CADM2: variants seen among roughly 807,000 people sequenced by gnomAD.
CADM2 encodes cell adhesion molecule 2.
In CADM2, 12 loss-of-function variants were observed where a neutral mutation model predicts 49.8. The observed-to-expected ratio is 0.24, with a 90% CI of 0.15 to 0.39. CADM2 has a LOEUF of 0.39. Among genes scored for constraint, CADM2 ranks in the 10% least tolerant of loss-of-function variants. The pLI, the probability that CADM2 is intolerant of heterozygous loss-of-function variation, is 1.00. For synonymous variants in CADM2, 214 were observed against 175.4 expected (o/e 1.22, Z -1.74); for missense variants, 378 against 492.3 (o/e 0.77, Z 2.20).
At chr3:85,181,531 T>C (rs751078495) in intron 1 of CADM2, among the ~76,000 whole-genome samples, 6 of 152,128 alleles carry the variant, frequency 3.9e-5, no homozygotes, top group Non-Finnish European at 7.4e-5. Flanking sequence ...TTTCTGAGAA[T>C]CTGCCATGTA....
chr3:85,195,395 C>T (rs1489817364), intron 1 of CADM2, among the ~76,000 whole-genome samples: 1 of 152,066 alleles, frequency 6.6e-6, no homozygotes, highest in Non-Finnish European at 1.5e-5. Flanking sequence ...CAGAGGCTCT[C>T]TTGAGTCCCA....
intron 1 of CADM2, among the ~76,000 whole-genome samples, chr3:85,414,712 C>G (rs2035837597): frequency 6.6e-6 from 1 of 152,140 alleles, no homozygotes; most frequent in African/African-American, 2.4e-5. Flanking sequence ...CCAGCTCCCC[C>G]AAGGATTTTT....
At chr3:85,419,642 C>T (rs1017623973) in intron 1 of CADM2, among the ~76,000 whole-genome samples, 8 of 152,264 alleles carry the variant, frequency 5.3e-5, no homozygotes, top group African/African-American at 1.9e-4. Context: ...CTCCCTACTC[C>T]TACAAACTTC....
rs970308026 is a variant in CADM2 at position 85,567,253 on chromosome 3, A to G, written c.62-159269A>G. Among the ~76,000 whole-genome samples, 7 of 152,310 alleles carry G rather than the reference A, an allele frequency of 4.6e-5. No individual in the cohort carries two copies. The East Asian group carries it at 1.3e-3, about 29-fold the overall frequency. On this transcript the variant is annotated intron_variant, in intron 1 of 9. Transcript: ENST00000383699. The stretch of plus-strand genomic sequence containing the variant: ...ATCAGGCTGCTGCATTATCGAGCAG[A>G]TGGTTAATAGCGCCCCCTGTAGGCG...
At chr3:86,014,570 AAGT>A in intron 8 of CADM2, 1 of 1,597,316 alleles carries the variant, frequency 6.3e-7, no homozygotes, top group Non-Finnish European at 8.6e-7. Context: ...AAGAAACACT[AAGT>A]GTCCCAACAG....
chr3:85,361,083 AG>A (rs1188712980), intron 1 of CADM2, among the ~76,000 whole-genome samples: 3 of 152,170 alleles, frequency 2.0e-5, no homozygotes, highest in Non-Finnish European at 4.4e-5. Flanking sequence ...TTTTATCCCA[AG>A]GGACTAGCAT....
At chr3:85,681,310 T>C (rs1321154807) in intron 1 of CADM2, among the ~76,000 whole-genome samples, 1 of 152,134 alleles carries the variant, frequency 6.6e-6, no homozygotes, top group Non-Finnish European at 1.5e-5. Flanking sequence ...GGCATGCTGA[T>C]TACATTCAGC....
intron 1 of CADM2, among the ~76,000 whole-genome samples, chr3:85,257,633 T>C (rs944538281): frequency 1.3e-5 from 2 of 152,060 alleles, no homozygotes; most frequent in Non-Finnish European, 2.9e-5. Context: ...AATTGATACT[T>C]AGAATGTTCC....
At chr3:85,909,555 T>C (rs1717284746) in intron 5 of CADM2, among the ~76,000 whole-genome samples, 1 of 152,160 alleles carries the variant, frequency 6.6e-6, no homozygotes, top group African/African-American at 2.4e-5. Context: ...ATGTTTGCAC[T>C]GTACTCTTGC....
At chr3:84,987,020 C>A (rs990438456) in intron 1 of CADM2, among the ~76,000 whole-genome samples, 1 of 151,296 alleles carries the variant, frequency 6.6e-6, no homozygotes, top group Non-Finnish European at 1.5e-5. Context: ...TCATTGCACT[C>A]CAGCCTGGGC....
intron 1 of CADM2, among the ~76,000 whole-genome samples, chr3:85,091,357 A>C (rs2037590586): frequency 6.6e-6 from 1 of 152,180 alleles, no homozygotes; most frequent in Non-Finnish European, 1.5e-5. Context: ...ACATAGCTGT[A>C]GTTTGGATTA....
chr3:86,069,019 C>T lies in CADM2; in HGVS notation c.*2236C>T, dbSNP rs1370764404. On this transcript the variant is annotated 3_prime_UTR_variant, in exon 10 of 10. Transcript: ENST00000383699. ...CAAAGCAAAATTCATCCTGTTAGTA[C>T]AAAATGGAAAGGTTCTTATTACAGA... 1 of 151,870 alleles carries T rather than the reference C, an allele frequency of 6.6e-6. No individual in the cohort carries two copies. Among genetic ancestry groups the T allele is most frequent in the Non-Finnish European group, 1.5e-5 (1 of 67,844 alleles). 9.4% of individuals were successfully genotyped at this position (151,870 alleles called of 1,614,324 possible).
At chr3:85,449,056 A>G (rs1399582327) in intron 1 of CADM2, among the ~76,000 whole-genome samples, 1 of 147,336 alleles carries the variant, frequency 6.8e-6, no homozygotes, top group African/African-American at 2.5e-5. Context: ...ACTCAAAAAT[A>G]ATAATAATAA....
chr3:85,727,739 C>G (rs1421629590), intron 2 of CADM2, among the ~76,000 whole-genome samples: 2 of 151,982 alleles, frequency 1.3e-5, no homozygotes, highest in African/African-American at 2.4e-5. Context: ...TAAAGGGAAC[C>G]AGGGGGAGAT....
At chr3:85,390,971 C>T (rs1013214623) in intron 1 of CADM2, among the ~76,000 whole-genome samples, 2 of 152,024 alleles carry the variant, frequency 1.3e-5, no homozygotes, top group Non-Finnish European at 2.9e-5. Flanking sequence ...CTCCAGAGAG[C>T]TAAATGCATA....
intron 2 of CADM2, among the ~76,000 whole-genome samples, chr3:85,728,277 T>G (rs1216110584): frequency 6.6e-6 from 1 of 152,194 alleles, no homozygotes; most frequent in Admixed American, 6.5e-5. Flanking sequence ...TGTTCCACAC[T>G]TAGCCATTTT....
At chr3:85,162,298 C>T (rs1458298359) in intron 1 of CADM2, among the ~76,000 whole-genome samples, 1 of 152,032 alleles carries the variant, frequency 6.6e-6, no homozygotes, top group Admixed American at 6.6e-5. Flanking sequence ...TATGCCATAA[C>T]ACTTGAGTTA....
At chr3:85,233,682 G>C (rs2042349306) in intron 1 of CADM2, among the ~76,000 whole-genome samples, 1 of 151,518 alleles carries the variant, frequency 6.6e-6, no homozygotes, top group Admixed American at 6.6e-5. Context: ...AAATTGATAA[G>C]CAGCAGAACG....
intron 1 of CADM2, among the ~76,000 whole-genome samples, chr3:85,357,502 T>C (rs2031964111): frequency 6.6e-6 from 1 of 152,158 alleles, no homozygotes; most frequent in Non-Finnish European, 1.5e-5. Context: ...ACTTTAAATA[T>C]ATAGTATTCT....
Sources: gnomAD v4.1 joint callset for allele counts (sites outside exome capture counted in the v4.1 genomes callset) on GRCh38, gnomAD v4.1.1 for gene constraint, MANE v1.5 for transcripts, NCBI Gene and HGNC (gene_info 2026-07-23, HGNC 2026-07-21) for gene names.